The following BIVM variants were observed in gnomAD, a reference collection of about 807,000 sequenced individuals.
BIVM encodes basic, immunoglobulin-like variable motif containing, also known as basic immunoglobulin-like variable motif-containing protein.
BIVM carries 31 observed loss-of-function variants against 61.4 expected under a neutral mutation model. That is an observed-to-expected ratio of 0.51 (90% CI 0.38 to 0.68). The LOEUF (loss-of-function observed/expected upper bound fraction) is 0.68, where lower values mean the gene tolerates loss of function less well. BIVM is among the 30% of genes least tolerant of loss of function. BIVM has a pLI of 0.00. For missense variants in BIVM, 526 were observed against 596.0 expected, an observed-to-expected ratio of 0.88 and a Z score of 1.22; for synonymous variants, 189 against 210.7, an observed-to-expected ratio of 0.90 and a Z score of 0.89.
At chr13:102,814,306 C>T (rs143326763) in intron 3 of BIVM, among the ~76,000 whole-genome samples, 1 of 152,294 alleles carries the variant, frequency 6.6e-6, no homozygotes, top group East Asian at 1.9e-4. Context: ...TCCCTCAAGT[C>T]AAATGAACTT....
rs1165045493 is a variant in BIVM, at chr13:102,807,991, C to G, written c.478+246C>G. Among the ~76,000 whole-genome samples the G allele has an allele frequency of 6.6e-6, 1 of 152,062 alleles. No homozygotes were observed. Among genetic ancestry groups the G allele is most frequent in the African/African-American group, 2.4e-5 (1 of 41,398 alleles). On this transcript the variant is annotated intron_variant, in intron 3 of 10. Coordinates refer to ENST00000257336, the MANE Select transcript of BIVM (RefSeq NM_017693.4). The surrounding 1 kb of genome is among the most constrained non-coding windows in gnomAD (Gnocchi z 4.0). ...CAAATATTTTGAGAGATTTGAAAAT[C>G]TAATAATGTAAAATATTATAAACAG...
chr13:102,821,288 A>G (rs1407506924), intron 5 of BIVM, among the ~76,000 whole-genome samples, 156 bp downstream of exon 5: 1 of 152,156 alleles, frequency 6.6e-6, no homozygotes, highest in Non-Finnish European at 1.5e-5. Context: ...ATATACATGT[A>G]TTATTTTCAG....
rs754792814 is a variant in BIVM at position 102,816,453 on chromosome 13, G to A, written c.504G>A (p.Lys168=). ...KSGNAKKQVS[K]RKTSDKKGRY... ...GCAATGCAAAGAAACAAGTTTCCAA[G>A]AGAAAAACTTCAGATAAAAAGGGAA... The change falls in exon 4 of 11, where the codon AAG becomes AAA. Residue 168 remains lysine, a synonymous_variant. Transcript: ENST00000257336. The A allele has an allele frequency of 1.3e-5, 20 of 1,585,278 alleles. 1 individual carries two copies. In the Admixed American group the frequency reaches 3.4e-4, roughly 27 times the overall value.
At position 102,808,074 on chromosome 13, in the gene BIVM, C is replaced by T. The variant is rs369872906; in HGVS notation, c.478+329C>T. Reference sequence around the variant, plus strand: ...TGGCTAGAATAACTTACTACTGTTTCATAGTTTTATAGGCACATGAAGTTG... The same window carrying T: ...TGGCTAGAATAACTTACTACTGTTTTATAGTTTTATAGGCACATGAAGTTG... On this transcript the variant is annotated intron_variant, in intron 3 of 10. Transcript: ENST00000257336. 1.6e-4 allele frequency among the ~76,000 whole-genome samples: 25 copies of T among 152,298 alleles called. No homozygotes were observed. The South Asian group carries it at 5.2e-3, about 32-fold the overall frequency.
intron 9 of BIVM, among the ~76,000 whole-genome samples, chr13:102,838,336 A>C (rs775239284): frequency 2.6e-5 from 4 of 152,224 alleles, no homozygotes; most frequent in Non-Finnish European, 5.9e-5. Context: ...CTTGACTGTA[A>C]TTGAAAAGGA....
At chr13:102,822,976 A>G (rs1183053541) in intron 7 of BIVM, among the ~76,000 whole-genome samples, 5 of 152,180 alleles carry the variant, frequency 3.3e-5, no homozygotes, top group Non-Finnish European at 7.3e-5. Context: ...GATATTACTA[A>G]GAGGGTCAAG....
chr13:102,834,208 C>T (rs972883418), intron 8 of BIVM, among the ~76,000 whole-genome samples: 2 of 151,794 alleles, frequency 1.3e-5, no homozygotes, highest in East Asian at 3.9e-4. Flanking sequence ...TTTTTTTCCT[C>T]CTAGAATTTT....
At chr13:102,838,811 T>C in intron 10 of BIVM, 72 bp downstream of exon 10, 2 of 1,405,772 alleles carry the variant, frequency 1.4e-6, no homozygotes, top group East Asian at 2.3e-5. Flanking sequence ...TTAGCACTCT[T>C]TAGGTTGCAA....
intron 9 of BIVM, among the ~76,000 whole-genome samples, chr13:102,836,426 T>C (rs9585998): frequency 0.63 from 96,134 of 151,932 alleles, 30,747 homozygotes; most frequent in Middle Eastern, 0.73. Flanking sequence ...GATCCTCCCA[T>C]CTCAGTCTCC....
chr13:102,822,186 T>C (rs1555322457), intron 7 of BIVM, 27 bp downstream of exon 7: 5 of 1,581,992 alleles, frequency 3.2e-6, no homozygotes, highest in Non-Finnish European at 4.3e-6. Flanking sequence ...AAGATTTACA[T>C]ACACACATAC....
At chr13:102,831,209 T>C (rs1288391952) in intron 7 of BIVM, among the ~76,000 whole-genome samples, 1 of 152,210 alleles carries the variant, frequency 6.6e-6, no homozygotes, top group Non-Finnish European at 1.5e-5. Context: ...TGGGCATGCT[T>C]GTTCAGAATT....
At chr13:102,830,639 C>A (rs1036534845) in intron 7 of BIVM, among the ~76,000 whole-genome samples, 1 of 152,168 alleles carries the variant, frequency 6.6e-6, no homozygotes, top group Non-Finnish European at 1.5e-5. Flanking sequence ...GAAGACTACT[C>A]CTCTAGCCTC....
chr13:102,809,108 A>G (rs969120608), intron 3 of BIVM, among the ~76,000 whole-genome samples: 3 of 152,070 alleles, frequency 2.0e-5, no homozygotes, highest in African/African-American at 7.2e-5. Context: ...ACTTCTTAAG[A>G]TGGAAGCTTA....
At position 102,807,153 on chromosome 13, in the gene BIVM, T is replaced by G; in HGVS notation, c.-115T>G. On this transcript the variant is annotated 5_prime_UTR_variant, in exon 3 of 11. Coordinates refer to ENST00000257336, the MANE Select transcript of BIVM (RefSeq NM_017693.4). This position sits in a 1 kb window ranked among gnomAD's most constrained non-coding sequence, Gnocchi z 4.0. ...CTTTTTCCTTCCTCTTAGGAGCTCA[T>G]TTTGCAGCTCTCAAGCTTTTATAGC... The G allele has an allele frequency of 8.9e-7, 1 of 1,124,900 alleles. No homozygotes were observed. Among genetic ancestry groups the G allele is most frequent in the South Asian group, 1.7e-5 (1 of 59,678 alleles). The allele number at this position is 1,124,900 out of a possible 1,614,324, so 69.7% of individuals were successfully genotyped here.
intron 4 of BIVM, among the ~76,000 whole-genome samples, chr13:102,817,078 A>T (rs1376640689): frequency 6.6e-6 from 1 of 152,208 alleles, no homozygotes; most frequent in African/African-American, 2.4e-5. Flanking sequence ...AGTGGGACCC[A>T]GTTGTGAACC....
chr13:102,820,919 G>A (rs1880226930), intron 4 of BIVM, 118 bp from the exon 5 acceptor site: 1 of 880,890 alleles, frequency 1.1e-6, no homozygotes, highest in Non-Finnish European at 1.8e-6. Context: ...ATTTTACATT[G>A]ACTTAGGGGA....
intron 7 of BIVM, among the ~76,000 whole-genome samples, chr13:102,829,594 T>C (rs1880914726): frequency 6.6e-6 from 1 of 152,070 alleles, no homozygotes; most frequent in African/African-American, 2.4e-5. Flanking sequence ...ATCCCAGCAC[T>C]TTGGGAGGCT....
chr13:102,820,846 G>T, intron 4 of BIVM, 191 bp from the exon 5 acceptor site: 2 of 531,268 alleles, frequency 3.8e-6, no homozygotes, highest in African/African-American at 2.0e-5. Context: ...AGCTATTTTT[G>T]TTAAAGCAGG....
At chr13:102,838,568 C>A in intron 9 of BIVM, 75 bp from the exon 10 acceptor site, 1 of 1,258,606 alleles carries the variant, frequency 7.9e-7, no homozygotes, top group Non-Finnish European at 1.1e-6. Context: ...CAGCAACTTG[C>A]TCATGAAAAA....
Sources: gnomAD v4.1 joint callset for allele counts (sites outside exome capture counted in the v4.1 genomes callset) on GRCh38, gnomAD v4.1.1 for gene constraint, Gnocchi (gnomAD v3.1) non-coding constraint, MANE v1.5 for transcripts, NCBI Gene and HGNC (gene_info 2026-07-23, HGNC 2026-07-21) for gene names.